Variants in SAMM50 observed in about 807,000 individuals in gnomAD.
SAMM50 encodes SAMM50 sorting and assembly machinery component.
SAMM50 carries 47 observed loss-of-function variants against 66.9 expected under a neutral mutation model. The ratio of observed to expected loss-of-function variants is 0.70; its 90% CI spans 0.56 to 0.90. SAMM50 has a LOEUF of 0.90. Ranked by LOEUF, SAMM50 falls within the 40% of genes least tolerant of loss-of-function variation. The pLI, the probability that SAMM50 is intolerant of heterozygous loss-of-function variation, is 0.00. For synonymous variants in SAMM50, 191 were observed against 214.1 expected, an observed-to-expected ratio of 0.89 and a Z score of 0.94; for missense variants, 535 against 595.3, an observed-to-expected ratio of 0.90 and a Z score of 1.05.
At position 43,976,850 on chromosome 22, in the gene SAMM50, A is replaced by G. The variant is rs200436671; in HGVS notation, c.849+29A>G. 1.0e-4 allele frequency: 135 copies of G among 1,347,850 alleles called. No homozygotes were observed. The East Asian group carries it at 4.5e-3, about 45-fold the overall frequency. 83.5% of individuals were successfully genotyped at this position (1,347,850 alleles called of 1,614,324 possible). On this transcript the variant is annotated intron_variant, in intron 9 of 14. Coordinates refer to ENST00000350028, the MANE Select transcript of SAMM50 (RefSeq NM_015380.5). ...GTGTTGTTTCACCTGTGACCCCTGC[A>G]GGGTGAGGGGAGCCAAACTTTGGAC...
intron 1 of SAMM50, among the ~76,000 whole-genome samples, chr22:43,960,324 A>G (rs1278460084): frequency 6.6e-6 from 1 of 152,240 alleles, no homozygotes; most frequent in African/African-American, 2.4e-5. Flanking sequence ...CCCAGCACCC[A>G]GCACACAGTG....
intron 12 of SAMM50, among the ~76,000 whole-genome samples, chr22:43,985,865 G>A (rs2050289698): frequency 1.3e-5 from 2 of 151,750 alleles, no homozygotes; most frequent in South Asian, 4.1e-4. Context: ...CATCTTAATG[G>A]CTGCGTGTTT....
At position 43,964,502 on chromosome 22, in the gene SAMM50, TATC is replaced by T. The variant is rs1313123779; in HGVS notation, c.189_191del (p.Ile64del). 3.1e-6 allele frequency: 5 copies of T among 1,612,882 alleles called. No individual in the cohort carries two copies. In the South Asian group the frequency reaches 3.3e-5, roughly 11 times the overall value. On this transcript the variant is annotated inframe_deletion, in exon 3 of 15. Transcript: ENST00000350028. ...ATGGACTTGGAAGGACTAAAGATGATATCATCATTTGTGAAATTGGAGATGTTT... is the reference window on the plus strand; with the variant it reads ...ATGGACTTGGAAGGACTAAAGATGATATCATTTGTGAAATTGGAGATGTTT...
chr22:43,996,465 G>T lies in SAMM50; in HGVS notation c.*82G>T, dbSNP rs1010091102. 7.5e-7 allele frequency: 1 copy of T among 1,330,306 alleles called. No individual in the cohort carries two copies. Among genetic ancestry groups the T allele is most frequent in the African/African-American group, 1.4e-5 (1 of 69,146 alleles). The allele number at this position is 1,330,306 out of a possible 1,614,324, so 82.4% of individuals were successfully genotyped here. A position where few individuals can be genotyped will look rare whatever the true frequency, so the allele number is the denominator to read the frequency against. ...ACACACCGTCTCTCGAGGAAACGCG[G>T]TTCAGCGATTCTTTGACTGCGGACC... On this transcript the variant is annotated 3_prime_UTR_variant, in exon 15 of 15. Coordinates refer to ENST00000350028, the MANE Select transcript of SAMM50 (RefSeq NM_015380.5).
At chr22:43,956,963 G>C (rs1480766037) in intron 1 of SAMM50, 8 of 622,048 alleles carry the variant, frequency 1.3e-5, no homozygotes, top group Non-Finnish European at 1.1e-5. Context: ...AGTGCAACCT[G>C]AGCTCTTCCT....
intron 12 of SAMM50, 118 bp from the exon 13 acceptor site, chr22:43,988,993 C>T: frequency 1.0e-6 from 1 of 954,110 alleles, no homozygotes; most frequent in Admixed American, 2.3e-5. Flanking sequence ...CTTGCAAACT[C>T]CAGCACTGTG....
intron 8 of SAMM50, among the ~76,000 whole-genome samples, 177 bp from the exon 9 acceptor site, chr22:43,976,573 G>A (rs2050233508): frequency 6.6e-6 from 1 of 152,240 alleles, no homozygotes; most frequent in Non-Finnish European, 1.5e-5. Context: ...GGACGTCTCA[G>A]TGTCCTCCTA....
intron 3 of SAMM50, among the ~76,000 whole-genome samples, chr22:43,967,941 G>T (rs1175318342): frequency 1.3e-5 from 2 of 152,158 alleles, no homozygotes. Context: ...GGTTAGAAAG[G>T]CCGGGCGTGG....
intron 7 of SAMM50, chr22:43,975,556 C>G (rs912047656): frequency 1.3e-5 from 2 of 153,534 alleles, no homozygotes; most frequent in African/African-American, 2.4e-5. Flanking sequence ...TCACCCGGCT[C>G]AGGCCTCTGC....
chr22:43,956,775 G>C (rs1443624376), intron 1 of SAMM50, among the ~76,000 whole-genome samples: 1 of 152,160 alleles, frequency 6.6e-6, no homozygotes, highest in Non-Finnish European at 1.5e-5. Context: ...CCTCTGTTGC[G>C]GGGAGGAGTC....
chr22:43,979,731 T>G (rs1414452886), intron 10 of SAMM50, among the ~76,000 whole-genome samples: 1 of 152,106 alleles, frequency 6.6e-6, no homozygotes, highest in Non-Finnish European at 1.5e-5. Flanking sequence ...CTACACAAAC[T>G]GCTTGTGCTG....
chr22:43,958,604 G>A (rs1008214068), intron 1 of SAMM50, among the ~76,000 whole-genome samples: 3 of 148,186 alleles, frequency 2.0e-5, no homozygotes, highest in African/African-American at 7.5e-5. Flanking sequence ...TCAGCCTCCC[G>A]AGTAGCTGGG....
intron 1 of SAMM50, among the ~76,000 whole-genome samples, chr22:43,961,984 GTGTGTGTGTGTGTGTC>G (rs1226313247): frequency 1.3e-5 from 2 of 151,324 alleles, no homozygotes; most frequent in African/African-American, 2.4e-5. Flanking sequence ...AAGTGATTAT[GTGTGTGTGTGTGTGTC>G]TGTGTGTGTG....
At chr22:43,969,744 C>G (rs1166061084) in intron 4 of SAMM50, among the ~76,000 whole-genome samples, 2 of 152,162 alleles carry the variant, frequency 1.3e-5, no homozygotes, top group African/African-American at 4.8e-5. Flanking sequence ...ACTTATCAGG[C>G]CCACGCCAGG....
intron 3 of SAMM50, among the ~76,000 whole-genome samples, chr22:43,966,308 G>T (rs1255287212): frequency 6.6e-6 from 1 of 152,030 alleles, no homozygotes; most frequent in Non-Finnish European, 1.5e-5. Context: ...GCACTCTGCA[G>T]TGTTCACTGA....
At chr22:43,965,399 G>T (rs1190931613) in intron 3 of SAMM50, among the ~76,000 whole-genome samples, 1 of 152,020 alleles carries the variant, frequency 6.6e-6, no homozygotes, top group East Asian at 1.9e-4. Flanking sequence ...GTAGAGATGG[G>T]GCTTTGTCAT....
rs149265897 is a variant in SAMM50 at position 43,974,062 on chromosome 22, C to T, written c.648+739C>T. ...TCCTTCCTTTCGCCACTGTTCCTGA[C>T]TCCTCTTGTTCTGGGCTTTAGTTCT... On this transcript the variant is annotated intron_variant, in intron 7 of 14. Transcript: ENST00000350028. Among the ~76,000 whole-genome samples, 1,110 of 151,948 alleles carry T rather than the reference C, an allele frequency of 7.3e-3. 6 individuals carry two copies. The highest frequency in any genetic ancestry group is 0.025 in the African/African-American group (1,055 of 41,432).
At chr22:43,996,060 CGTGAAGGAG>C in intron 14 of SAMM50, 1 of 503,694 alleles carries the variant, frequency 2.0e-6, no homozygotes, top group African/African-American at 1.9e-5. Context: ...GAGAGGGGAA[CGTGAAGGAG>C]GTGAGGAGGG....
chr22:43,960,554 C>T (rs2050142549), intron 1 of SAMM50, among the ~76,000 whole-genome samples: 1 of 152,088 alleles, frequency 6.6e-6, no homozygotes, highest in African/African-American at 2.4e-5. Context: ...CATGGCGAAA[C>T]CCCGTCTCTA....
Sources: allele counts gnomAD v4.1 joint callset (sites outside exome capture counted in the v4.1 genomes callset), GRCh38; gene constraint gnomAD v4.1.1; transcripts MANE v1.5; gene names NCBI Gene and HGNC (gene_info 2026-07-23, HGNC 2026-07-21).